The following RNF170 variants were observed in gnomAD, a reference collection of about 807,000 sequenced individuals.
The protein encoded by RNF170 is E3 ubiquitin-protein ligase RNF170.
A neutral mutation model predicts 32.7 loss-of-function variants in RNF170; 12 were observed. The observed-to-expected ratio is 0.37, with a 90% confidence interval of 0.24 to 0.60. RNF170 has a LOEUF of 0.60. Among genes scored for constraint, RNF170 ranks in the 20% least tolerant of loss-of-function variants. RNF170 has a pLI of 0.72. For synonymous variants in RNF170, 91 were observed against 103.6 expected (o/e 0.88, Z 0.74); for missense variants, 212 against 311.2 (o/e 0.68, Z 2.40).
At position 42,854,582 on chromosome 8, in the gene RNF170, A is replaced by G. The variant is rs1251082501; in HGVS notation, c.*1577T>C. The G allele has an allele frequency of 2.3e-6, 3 of 1,287,138 alleles. No homozygotes were observed. The highest frequency in any genetic ancestry group is 3.0e-6 in the Non-Finnish European group (3 of 988,566). The allele number at this position is 1,287,138 out of a possible 1,614,324, so 79.7% of individuals were successfully genotyped here. A position where few individuals can be genotyped will look rare whatever the true frequency, so the allele number is the denominator to read the frequency against. Reference sequence around the variant, plus strand: ...TGTCCTAGGTCCAAATTAGAAAAACACATATTGATATTTCATTCAGAATCT... The same window carrying G: ...TGTCCTAGGTCCAAATTAGAAAAACGCATATTGATATTTCATTCAGAATCT... On this transcript the variant is annotated 3_prime_UTR_variant, in exon 7 of 7. Coordinates refer to ENST00000527424, the MANE Select transcript of RNF170 (RefSeq NM_030954.4).
At chr8:42,870,424 G>A (rs1804438464) in intron 3 of RNF170, among the ~76,000 whole-genome samples, 1 of 152,146 alleles carries the variant, frequency 6.6e-6, no homozygotes, top group African/African-American at 2.4e-5. Flanking sequence ...TAGTGCATAA[G>A]CTAACAATAA....
chr8:42,897,223 C>G (rs1025833702), upstream of RNF170: 1 of 1,217,916 alleles, frequency 8.2e-7, no homozygotes, highest in East Asian at 3.2e-5. Flanking sequence ...GGAAGACCCC[C>G]TCCCCCCGCC....
At chr8:42,883,773 T>C (rs1306697277) in intron 2 of RNF170, among the ~76,000 whole-genome samples, 3 of 152,068 alleles carry the variant, frequency 2.0e-5, no homozygotes, top group Non-Finnish European at 4.4e-5. Context: ...TTTTGTTATG[T>C]ATATTTTACC....
intron 3 of RNF170, among the ~76,000 whole-genome samples, chr8:42,873,227 G>A (rs1804651216): frequency 6.6e-6 from 1 of 151,876 alleles, no homozygotes; most frequent in Non-Finnish European, 1.5e-5. Context: ...CGAGGTGAGA[G>A]GACTGCTTGA....
At chr8:42,850,287 G>A (rs901123415), downstream of RNF170, 2 of 178,070 alleles carry the variant, frequency 1.1e-5, no homozygotes, top group African/African-American at 4.7e-5. Context: ...CCTTTACTCT[G>A]TGGGAAAGGG....
Position 42,853,871 on chromosome 8 carries a change from A to T in RNF170, c.*2288T>A. 7.8e-7 allele frequency: 1 copy of T among 1,286,686 alleles called. No individual in the cohort carries two copies. Among genetic ancestry groups the T allele is most frequent in the Non-Finnish European group, 1.0e-6 (1 of 988,230 alleles). The allele number at this position is 1,286,686 out of a possible 1,614,324, so 79.7% of individuals were successfully genotyped here. A position where few individuals can be genotyped will look rare whatever the true frequency, so the allele number is the denominator to read the frequency against. On this transcript the variant is annotated 3_prime_UTR_variant, in exon 7 of 7. Transcript: ENST00000527424. ...TTTATGTTACAAAATTTGGTACAAT[A>T]CACCTCTTTCAGGAAAGTCTTAGTA...
chr8:42,894,992 A>C (rs193296893), intron 1 of RNF170, among the ~76,000 whole-genome samples: 28 of 152,016 alleles, frequency 1.8e-4, no homozygotes, highest in Non-Finnish European at 3.2e-4. Context: ...GTCAACTATC[A>C]AGTGGTACTC....
chr8:42,872,448 TTCTG>T (rs1324654015), intron 3 of RNF170, among the ~76,000 whole-genome samples: 2 of 152,146 alleles, frequency 1.3e-5, no homozygotes, highest in African/African-American at 4.8e-5. Context: ...GCTTAAACTA[TTCTG>T]TCTTTTTTAG....
At chr8:42,888,415 T>C (rs970593990) in intron 1 of RNF170, among the ~76,000 whole-genome samples, 7 of 152,056 alleles carry the variant, frequency 4.6e-5, no homozygotes, top group African/African-American at 1.7e-4. Flanking sequence ...CATTTATTTA[T>C]GTATTTTTTA....
intron 5 of RNF170, among the ~76,000 whole-genome samples, chr8:42,864,128 C>G (rs1803911869): frequency 6.7e-6 from 1 of 150,210 alleles, no homozygotes; most frequent in Non-Finnish European, 1.5e-5. Context: ...TAATCTCGTT[C>G]TATTGCCCAA....
Position 42,856,204 on chromosome 8 carries a change from G to C in RNF170, c.732C>G (p.Ile244Met). ...FFVIFLLLIY[I>M]SIMYREVITQ... ...TTATCACTTCTCGATACATAATAGA[G>C]ATGTAGATAAGCAATAAAAAGATGA... Residue 244 changes from isoleucine to methionine, a missense_variant, in exon 7 of 7, where the codon ATC (isoleucine) becomes ATG (methionine). By Grantham distance (10) the Ile-to-Met change is conservative. Transcript: ENST00000527424. 2 of 1,612,020 alleles carry C rather than the reference G, an allele frequency of 1.2e-6. No homozygotes were observed. The highest frequency in any genetic ancestry group is 1.7e-6 in the Non-Finnish European group (2 of 1,178,668).
intron 6 of RNF170, among the ~76,000 whole-genome samples, chr8:42,860,163 C>A (rs565781319): frequency 6.6e-6 from 1 of 152,278 alleles, no homozygotes; most frequent in African/African-American, 2.4e-5. Context: ...GGAAGCGAAG[C>A]AGTTGGATCT....
chr8:42,870,368 A>C (rs1305344341), intron 3 of RNF170, among the ~76,000 whole-genome samples: 1 of 152,186 alleles, frequency 6.6e-6, no homozygotes, highest in Admixed American at 6.5e-5. Context: ...TTCATCTTTT[A>C]CTCTACTGGA....
intron 5 of RNF170, among the ~76,000 whole-genome samples, chr8:42,865,110 A>G (rs1431837932): frequency 6.6e-6 from 1 of 151,970 alleles, no homozygotes; most frequent in Non-Finnish European, 1.5e-5. Context: ...TAAAAAAATT[A>G]GCCAGGCATG....
At chr8:42,882,730 T>A (rs992809860) in intron 2 of RNF170, among the ~76,000 whole-genome samples, 1 of 152,114 alleles carries the variant, frequency 6.6e-6, no homozygotes, top group African/African-American at 2.4e-5. Flanking sequence ...GAGTTGCTAC[T>A]TAGATGGGCA....
chr8:42,882,516 C>T (rs1282863836), intron 2 of RNF170, among the ~76,000 whole-genome samples: 1 of 152,090 alleles, frequency 6.6e-6, no homozygotes, highest in Non-Finnish European at 1.5e-5. Context: ...GCACCATACC[C>T]AATGAAATAT....
chr8:42,886,455 T>C (rs1413590521), intron 2 of RNF170, among the ~76,000 whole-genome samples: 1 of 152,136 alleles, frequency 6.6e-6, no homozygotes, highest in Non-Finnish European at 1.5e-5. Context: ...AAATACCCGA[T>C]TGAAATCAAG....
At chr8:42,873,885 A>C (rs781062509) in intron 3 of RNF170, 46 bp downstream of exon 3, 1 of 1,031,060 alleles carries the variant, frequency 9.7e-7, no homozygotes, top group Non-Finnish European at 1.5e-6. Context: ...TTCACATGCA[A>C]AGGGAGCTAT....
chr8:42,896,299 C>A (rs901556207), intron 1 of RNF170, 185 bp downstream of exon 1: 21 of 356,688 alleles, frequency 5.9e-5, no homozygotes, highest in Non-Finnish European at 9.7e-5. Flanking sequence ...GCCGGCGACT[C>A]CGGACAGCCG....
Sources: gnomAD v4.1 joint callset for allele counts (sites outside exome capture counted in the v4.1 genomes callset) on GRCh38, gnomAD v4.1.1 for gene constraint, MANE v1.5 for transcripts, NCBI Gene and HGNC (gene_info 2026-07-23, HGNC 2026-07-21) for gene names.